FRK: variants seen among roughly 807,000 people sequenced by gnomAD.
FRK encodes the protein tyrosine-protein kinase FRK.
A neutral mutation model predicts 56.4 loss-of-function variants in FRK; 51 were observed. The observed-to-expected ratio is 0.90, with a 90% CI of 0.72 to 1.14. The LOEUF is 1.14. FRK is among the 50% of genes most tolerant of loss of function. The probability of loss-of-function intolerance (pLI) is 0.00; values close to 1 mark genes in which losing one functional copy is unlikely to be tolerated. For synonymous variants in FRK, 245 were observed against 217.9 expected (o/e 1.12, Z -1.10); for missense variants, 570 against 601.4 (o/e 0.95, Z 0.55).
Position 116,036,286 on chromosome 6 carries a change from T to C in FRK, c.344+23682A>G, listed in dbSNP as rs926482612. 1.8e-4 allele frequency among the ~76,000 whole-genome samples: 28 copies of C among 152,142 alleles called. 1 individual carries two copies. The highest frequency in any genetic ancestry group is 2.9e-5 in the Non-Finnish European group (2 of 67,972). On this transcript the variant is annotated intron_variant, in intron 1 of 7. Transcript: ENST00000606080. ...TCAGCAGTGTCTGATATCTGTTTGA[T>C]AAGATAAGCTTCAGGAATGCAGTGA...
At chr6:116,036,664 C>T (rs983978921) in intron 1 of FRK, among the ~76,000 whole-genome samples, 3 of 152,022 alleles carry the variant, frequency 2.0e-5, no homozygotes, top group Admixed American at 2.0e-4. Flanking sequence ...AAATTAGCTT[C>T]TGGGAAGTGA....
the FRK span, among the ~76,000 whole-genome samples, chr6:116,079,732 G>C: frequency 6.6e-6 from 1 of 151,976 alleles, no homozygotes; most frequent in African/African-American, 2.4e-5. Context: ...TGGGACTACA[G>C]ACACATGCTA....
rs1772183440 is a variant in FRK, at chr6:115,941,568, T to C, written c.*846A>G. 1 of 152,186 alleles carries C rather than the reference T, an allele frequency of 6.6e-6. No homozygotes were observed. The highest frequency in any genetic ancestry group is 2.4e-5 in the African/African-American group (1 of 41,462). The allele number at this position is 152,186 out of a possible 1,614,324, so 9.4% of individuals were successfully genotyped here. A position where few individuals can be genotyped will look rare whatever the true frequency, so the allele number is the denominator to read the frequency against. On this transcript the variant is annotated 3_prime_UTR_variant, in exon 8 of 8. Coordinates refer to ENST00000606080, the MANE Select transcript of FRK (RefSeq NM_002031.3). Reference sequence around the variant, plus strand: ...GTACTTCTTTTTCTTTATTAATTACTCAGAAGTCTAGGCCACAGCAATCCT... The same window carrying C: ...GTACTTCTTTTTCTTTATTAATTACCCAGAAGTCTAGGCCACAGCAATCCT...
intron 2 of FRK, among the ~76,000 whole-genome samples, chr6:115,975,645 G>A (rs1168913103): frequency 6.6e-6 from 1 of 151,956 alleles, no homozygotes; most frequent in Non-Finnish European, 1.5e-5. Context: ...CATTCTTTTT[G>A]TGAAATACTA....
At chr6:116,085,845 G>A in the FRK span, among the ~76,000 whole-genome samples, 1 of 152,084 alleles carries the variant, frequency 6.6e-6, no homozygotes, top group African/African-American at 2.4e-5. Flanking sequence ...GAGATGAAAA[G>A]GAAGAAAGAA....
At chr6:116,014,302 C>A (rs932655299) in intron 1 of FRK, among the ~76,000 whole-genome samples, 10 of 151,758 alleles carry the variant, frequency 6.6e-5, no homozygotes, top group African/African-American at 1.9e-4. Context: ...AGATAAAAGA[C>A]CACTTTAAGT....
In FRK at chr6:115,934,580, T is replaced by A. The variant is rs548813202; in HGVS notation, c.*7834A>T. ...CGTTCACATTGAACTGCTAATGATA[T>A]TGTGCCTGGAGCCCTCCCTACTTCC... On this transcript the variant is annotated 3_prime_UTR_variant, in exon 8 of 8. Coordinates refer to ENST00000606080, the MANE Select transcript of FRK (RefSeq NM_002031.3). The A allele has an allele frequency of 6.6e-6, 1 of 152,190 alleles. No individual in the cohort carries two copies. The highest frequency in any genetic ancestry group is 1.5e-5 in the Non-Finnish European group (1 of 68,036). The allele number at this position is 152,190 out of a possible 1,614,324, so 9.4% of individuals were successfully genotyped here. A position where few individuals can be genotyped will look rare whatever the true frequency, so the allele number is the denominator to read the frequency against.
chr6:115,970,724 C>A (rs1400850000), intron 2 of FRK, among the ~76,000 whole-genome samples: 1 of 151,940 alleles, frequency 6.6e-6, no homozygotes, highest in African/African-American at 2.4e-5. Flanking sequence ...GGTGGCAGAC[C>A]CTGTCTCAAC....
intron 1 of FRK, among the ~76,000 whole-genome samples, chr6:116,045,851 A>C (rs1776932426): frequency 6.6e-6 from 1 of 152,250 alleles, no homozygotes; most frequent in Admixed American, 6.5e-5. Flanking sequence ...CAGAGTAAAC[A>C]GGCAACCTAG....
intron 2 of FRK, among the ~76,000 whole-genome samples, chr6:115,999,120 G>C (rs1450736071): frequency 6.6e-6 from 1 of 152,048 alleles, no homozygotes; most frequent in Non-Finnish European, 1.5e-5. Flanking sequence ...TAATATTAAT[G>C]GTAATAACAA....
intron 5 of FRK, among the ~76,000 whole-genome samples, chr6:115,948,732 A>G (rs2351598): frequency 0.26 from 39,934 of 152,076 alleles, 6,375 homozygotes; most frequent in East Asian, 0.63. Context: ...GGTAATTCAT[A>G]TGTATCTCTA....
At chr6:116,000,506 G>C (rs1277884156) in intron 2 of FRK, among the ~76,000 whole-genome samples, 3 of 151,894 alleles carry the variant, frequency 2.0e-5, no homozygotes, top group African/African-American at 7.3e-5. Flanking sequence ...GCCTCCCAAA[G>C]TGCTGGGATT....
intron 2 of FRK, among the ~76,000 whole-genome samples, chr6:115,984,501 T>C (rs771140234): frequency 6.6e-6 from 1 of 151,992 alleles, no homozygotes; most frequent in Non-Finnish European, 1.5e-5. Context: ...TCCAAATAGT[T>C]TGATGTCTGT....
intron 5 of FRK, among the ~76,000 whole-genome samples, chr6:115,948,597 C>A (rs1056263955): frequency 2.6e-5 from 4 of 152,190 alleles, no homozygotes; most frequent in Non-Finnish European, 4.4e-5. Flanking sequence ...TCCTAGCAAT[C>A]TCACCCACTT....
At chr6:116,001,216 C>T (rs866143057) in intron 2 of FRK, among the ~76,000 whole-genome samples, 15 of 149,028 alleles carry the variant, frequency 1.0e-4, no homozygotes, top group African/African-American at 3.2e-4. Flanking sequence ...CCAGCCTGGT[C>T]GGCAGAGTGA....
the FRK span, among the ~76,000 whole-genome samples, chr6:116,089,239 C>A: frequency 3.3e-5 from 5 of 152,138 alleles, no homozygotes; most frequent in African/African-American, 1.2e-4. Context: ...TTTGCTCATG[C>A]TGCATAACAT....
chr6:116,022,486 T>C (rs1327468770), intron 1 of FRK, among the ~76,000 whole-genome samples: 1 of 152,094 alleles, frequency 6.6e-6, no homozygotes, highest in Non-Finnish European at 1.5e-5. Context: ...ATTTATCCCA[T>C]TTAGAAGGTT....
chr6:115,989,911 A>G (rs1055533649), intron 2 of FRK, among the ~76,000 whole-genome samples: 3 of 151,926 alleles, frequency 2.0e-5, no homozygotes, highest in Non-Finnish European at 2.9e-5. Flanking sequence ...CTACCAGTGC[A>G]CAAGCATTCC....
intron 2 of FRK, among the ~76,000 whole-genome samples, chr6:115,989,899 C>A (rs1774531417): frequency 6.6e-6 from 1 of 151,888 alleles, no homozygotes; most frequent in Admixed American, 6.6e-5. Context: ...TTTACATTCC[C>A]ACTACCAGTG....
Sources: allele counts gnomAD v4.1 joint callset (sites outside exome capture counted in the v4.1 genomes callset), GRCh38; gene constraint gnomAD v4.1.1; transcripts MANE v1.5; gene names NCBI Gene and HGNC (gene_info 2026-07-23, HGNC 2026-07-21).